Variants in NEBL observed in about 807,000 individuals in gnomAD.
NEBL encodes the protein LIM and SH3 protein 2.
NEBL carries 122 observed loss-of-function variants against 140.2 expected under a neutral mutation model. That is an observed-to-expected ratio of 0.87 (90% CI 0.75 to 1.01). NEBL has a LOEUF of 1.01. NEBL is among the 50% of genes least tolerant of loss of function. NEBL has a pLI of 0.00. For missense variants in NEBL, 1,365 were observed against 1,231.3 expected, an observed-to-expected ratio of 1.11 and a Z score of -1.62; for synonymous variants, 436 against 398.9, an observed-to-expected ratio of 1.09 and a Z score of -1.11.
chr10:21,174,014 G>T (rs1841211406), exon 1 of NEBL: 1 of 1,164,050 alleles, frequency 8.6e-7, no homozygotes. Flanking sequence ...GGGGCCTGGC[G>T]CCTGGGGCCG....
chr10:21,038,909 T>C (rs1265765672), intron 2 of NEBL, among the ~76,000 whole-genome samples: 2 of 152,180 alleles, frequency 1.3e-5, no homozygotes, highest in African/African-American at 4.8e-5. Context: ...CCATTCAAAC[T>C]GGCGTGAGAT....
At chr10:21,017,099 T>G (rs974993348) in intron 3 of NEBL, among the ~76,000 whole-genome samples, 1 of 152,222 alleles carries the variant, frequency 6.6e-6, no homozygotes, top group African/African-American at 2.4e-5. Context: ...CTAGGTCCCA[T>G]TCCAAGACCT....
At chr10:21,172,692 C>A (rs928440752) in intron 1 of NEBL, among the ~76,000 whole-genome samples, 3 of 152,044 alleles carry the variant, frequency 2.0e-5, no homozygotes, top group Non-Finnish European at 4.4e-5. Context: ...AAACCCACCG[C>A]AATACACAGA....
At chr10:21,166,899 G>A (rs940268648) in intron 2 of NEBL, among the ~76,000 whole-genome samples, 6 of 152,168 alleles carry the variant, frequency 3.9e-5, no homozygotes, top group Non-Finnish European at 8.8e-5. Context: ...AATTCAGGAG[G>A]CCCAACTACA....
chr10:21,265,729 C>G (rs978093846), intron 1 of NEBL, among the ~76,000 whole-genome samples: 2 of 152,344 alleles, frequency 1.3e-5, no homozygotes, highest in Non-Finnish European at 2.9e-5. Context: ...AAAGCCCAGA[C>G]AGTAAATATT....
intron 3 of NEBL, 142 bp from the exon 4 acceptor site, chr10:20,888,349 G>C: frequency 1.5e-6 from 1 of 649,202 alleles, no homozygotes. Flanking sequence ...TTAGATACCA[G>C]AGCTGACAAA....
chr10:21,161,876 C>T (rs1391993106), intron 2 of NEBL, among the ~76,000 whole-genome samples: 5 of 152,138 alleles, frequency 3.3e-5, no homozygotes, highest in Non-Finnish European at 7.3e-5. Context: ...TGAAATTTCC[C>T]AAGTAATTGG....
rs960732911 is a variant in NEBL at position 21,025,282 on chromosome 10, T to C, written c.165-5081A>G. Among the ~76,000 whole-genome samples the C allele has an allele frequency of 3.9e-5, 6 of 152,222 alleles. 1 individual carries two copies. In the South Asian group the frequency reaches 6.2e-4, roughly 16 times the overall value. ...GAGATGTGGGGAATATGCTGAAATGTTTAGCATCATAAACAGAAGTCTCTT... is the reference window on the plus strand; with the variant it reads ...GAGATGTGGGGAATATGCTGAAATGCTTAGCATCATAAACAGAAGTCTCTT... On this transcript the variant is annotated intron_variant, in intron 2 of 6. Transcript: ENST00000417816.
intron 2 of NEBL, among the ~76,000 whole-genome samples, chr10:21,122,269 G>A (rs1461652613): frequency 6.6e-5 from 10 of 151,702 alleles, no homozygotes; most frequent in East Asian, 1.9e-4. Context: ...CAGGTGATTC[G>A]CCCACCTCAG....
At chr10:21,072,820 G>A (rs546592583) in intron 2 of NEBL, among the ~76,000 whole-genome samples, 37 of 152,196 alleles carry the variant, frequency 2.4e-4, no homozygotes, top group Non-Finnish European at 4.3e-4. Context: ...ATAAAACTCC[G>A]TCTCTACTAA....
intron 3 of NEBL, among the ~76,000 whole-genome samples, chr10:20,991,361 A>AT (rs1837448420): frequency 6.6e-6 from 1 of 152,154 alleles, no homozygotes; most frequent in African/African-American, 2.4e-5. Flanking sequence ...ACAGTGTTAT[A>AT]AACACTGTCA....
intron 26 of NEBL, among the ~76,000 whole-genome samples, chr10:20,787,628 C>T (rs1398614000): frequency 3.3e-5 from 5 of 151,980 alleles, no homozygotes; most frequent in Admixed American, 1.3e-4. Context: ...TGTTTTTATT[C>T]GACCATGTGA....
intron 5 of NEBL, among the ~76,000 whole-genome samples, chr10:20,877,745 C>A (rs1282503577): frequency 6.6e-6 from 1 of 152,142 alleles, no homozygotes; most frequent in Non-Finnish European, 1.5e-5. Flanking sequence ...AGCTTCCTTG[C>A]AGTCTATGTA....
At chr10:21,156,875 T>C (rs1391905133) in intron 2 of NEBL, among the ~76,000 whole-genome samples, 4 of 152,076 alleles carry the variant, frequency 2.6e-5, no homozygotes, top group Non-Finnish European at 5.9e-5. Context: ...CAATCATGAG[T>C]TTTTCCCCCT....
At chr10:21,189,309 T>C (rs1050920956) in intron 3 of NEBL, among the ~76,000 whole-genome samples, 2 of 151,408 alleles carry the variant, frequency 1.3e-5, no homozygotes, top group African/African-American at 4.9e-5. Context: ...GAGACTGGAG[T>C]GATGCAACCA....
rs200845615 is a variant in NEBL, at chr10:20,788,432, TAATA to T, written c.2762-1128_2762-1125del. The stretch of plus-strand genomic sequence containing the variant: ...TTTAATTCTGAGTGTTATGAATAAT[TAATA>T]TTTTATAAGTAGAAAATTCACTCTA... On this transcript the variant is annotated intron_variant, in intron 26 of 27. Coordinates refer to ENST00000377122, the MANE Select transcript of NEBL (RefSeq NM_006393.3). Among the ~76,000 whole-genome samples the T allele has an allele frequency of 2.0e-3, 308 of 152,292 alleles. 8 individuals are homozygous for T. The East Asian group carries it at 0.05, about 25-fold the overall frequency.
intron 7 of NEBL, among the ~76,000 whole-genome samples, chr10:20,862,951 T>C (rs530027760): frequency 5.0e-4 from 76 of 152,290 alleles, no homozygotes; most frequent in African/African-American, 1.8e-3. Context: ...TATGTTTTGA[T>C]ACAGGCATGC....
intron 6 of NEBL, 25 bp from the exon 7 acceptor site, chr10:20,868,790 T>A (rs778081859): frequency 6.6e-7 from 1 of 1,509,140 alleles, no homozygotes; most frequent in South Asian, 1.1e-5. Flanking sequence ...TAAGACAATG[T>A]TAAATATTTC....
intron 3 of NEBL, among the ~76,000 whole-genome samples, chr10:21,221,584 A>G (rs1842068088): frequency 6.6e-6 from 1 of 151,674 alleles, no homozygotes; most frequent in Non-Finnish European, 1.5e-5. Flanking sequence ...GGCTCACTGC[A>G]AGCTCTACCT....
Sources: gnomAD v4.1 joint callset for allele counts (sites outside exome capture counted in the v4.1 genomes callset) on GRCh38, gnomAD v4.1.1 for gene constraint, MANE v1.5 for transcripts, NCBI Gene and HGNC (gene_info 2026-07-23, HGNC 2026-07-21) for gene names.